The following CELF2 variants were observed in gnomAD, a reference collection of about 807,000 sequenced individuals.
CELF2 encodes CUGBP Elav-like family member 2.
A neutral mutation model predicts 62.6 loss-of-function variants in CELF2; 8 were observed. The ratio of observed to expected loss-of-function variants is 0.13; its 90% CI spans 0.07 to 0.23. CELF2 has a LOEUF of 0.23. CELF2 is among the 10% of genes least tolerant of loss of function. The pLI is 1.00. For synonymous variants in CELF2, 258 were observed against 250.0 expected, an observed-to-expected ratio of 1.03 and a Z score of -0.30; for missense variants, 333 against 671.0, an observed-to-expected ratio of 0.50 and a Z score of 5.56.
At chr10:10,927,094 G>A (rs1049784781) in intron 2 of CELF2, 1 of 151,996 alleles carries the variant, frequency 6.6e-6, no homozygotes, top group African/African-American at 2.4e-5. Flanking sequence ...ATTCCCCTGT[G>A]GGGAGGAGTG....
chr10:10,679,045 A>C, the CELF2 span, among the ~76,000 whole-genome samples: 2 of 152,296 alleles, frequency 1.3e-5, no homozygotes, highest in South Asian at 2.1e-4. Context: ...AACTAAGCTA[A>C]AATAAAGGGA....
chr10:10,820,842 A>G (rs1308750807), intron 1 of CELF2, among the ~76,000 whole-genome samples: 2 of 152,194 alleles, frequency 1.3e-5, no homozygotes, highest in Non-Finnish European at 2.9e-5. Flanking sequence ...CAAACAGAGC[A>G]CCACTAAGAG....
rs2075673586 is a variant in CELF2, at chr10:11,246,564, A to C, written c.355-2589A>C. Among the ~76,000 whole-genome samples, 1 of 152,134 alleles carries C rather than the reference A, an allele frequency of 6.6e-6. No homozygotes were observed. ...ATCCCGTGAAGAATTTTTTATTGCC[A>C]GATCCAAATTCTTTGGCCTCTCACA... On this transcript the variant is annotated intron_variant, in intron 3 of 12. Coordinates refer to ENST00000633077, the MANE Select transcript of CELF2 (RefSeq NM_001326342.2). This position sits in a 1 kb window ranked among gnomAD's most constrained non-coding sequence, Gnocchi z 4.6.
chr10:10,616,151 C>T, the CELF2 span, among the ~76,000 whole-genome samples: 37 of 152,204 alleles, frequency 2.4e-4, no homozygotes, highest in African/African-American at 8.4e-4. Context: ...GAACCTAAGC[C>T]TGTATTTCTC....
intron 1 of CELF2, among the ~76,000 whole-genome samples, chr10:10,841,794 A>T (rs1184926623): frequency 6.6e-6 from 1 of 152,130 alleles, no homozygotes; most frequent in Non-Finnish European, 1.5e-5. Flanking sequence ...CAGTTTGCTG[A>T]TATCCACAAA....
intron 1 of CELF2, among the ~76,000 whole-genome samples, chr10:10,838,161 T>C (rs1239995782): frequency 2.0e-5 from 3 of 152,206 alleles, no homozygotes; most frequent in African/African-American, 7.2e-5. Context: ...GCAGGACTGC[T>C]TAGATATTTT....
chr10:10,507,048 G>A, the CELF2 span, among the ~76,000 whole-genome samples: 2 of 152,076 alleles, frequency 1.3e-5, no homozygotes, highest in Non-Finnish European at 2.9e-5. Flanking sequence ...TGGAGATTTG[G>A]GGTGTTTAGT....
At chr10:11,150,969 AAT>A (rs1209979113) in intron 1 of CELF2, among the ~76,000 whole-genome samples, 1 of 152,242 alleles carries the variant, frequency 6.6e-6, no homozygotes, top group African/African-American at 2.4e-5. Context: ...TTTTGGCTTA[AAT>A]ATTCAACTCC....
chr10:10,774,765 G>C, the CELF2 span, among the ~76,000 whole-genome samples: 1 of 152,194 alleles, frequency 6.6e-6, no homozygotes, highest in South Asian at 2.1e-4. Context: ...AAATAGGATG[G>C]TGTGGTGAGA....
In CELF2 at chr10:11,023,438, A is replaced by C. The variant is rs527916171; in HGVS notation, c.74+5275A>C. Among the ~76,000 whole-genome samples, 21 of 152,370 alleles carry C rather than the reference A, an allele frequency of 1.4e-4. 1 individual carries two copies. In the South Asian group the frequency reaches 4.1e-3, roughly 30 times the overall value. On this transcript the variant is annotated intron_variant, in intron 1 of 12. Transcript: ENST00000633077. ...GTGGGAAACAAAAACTAATTAGAGC[A>C]GCAAATGTGATGCTTTCAGGTAATT...
At chr10:11,281,774 T>C (rs2088899479) in intron 8 of CELF2, among the ~76,000 whole-genome samples, 1 of 152,106 alleles carries the variant, frequency 6.6e-6, no homozygotes, top group African/African-American at 2.4e-5. Flanking sequence ...AATTGCCAAA[T>C]TGATTGAGAG....
At chr10:10,941,383 CT>C (rs2047033003) in intron 2 of CELF2, among the ~76,000 whole-genome samples, 1 of 152,168 alleles carries the variant, frequency 6.6e-6, no homozygotes, top group Non-Finnish European at 1.5e-5. Flanking sequence ...TCCATAAACC[CT>C]TGGTTTCTTC....
the CELF2 span, among the ~76,000 whole-genome samples, chr10:10,756,648 T>C: frequency 5.3e-5 from 8 of 152,212 alleles, no homozygotes; most frequent in Non-Finnish European, 2.9e-5. Context: ...TTGATAATAA[T>C]GATATTTTTA....
chr10:10,489,748 A>G, the CELF2 span, among the ~76,000 whole-genome samples: 1 of 151,804 alleles, frequency 6.6e-6, no homozygotes, highest in Non-Finnish European at 1.5e-5. Context: ...TGTGTGGCCT[A>G]TCCTTAAAAC....
chr10:10,928,056 C>T lies in CELF2; in HGVS notation c.89+8057C>T, dbSNP rs553712925. Among the ~76,000 whole-genome samples the T allele has an allele frequency of 1.2e-4, 18 of 152,266 alleles. No homozygotes were observed. Among genetic ancestry groups the T allele is most frequent in the South Asian group, 4.1e-4 (2 of 4,828 alleles). ...TGCTTCTGACACACCGGCCTTTCTC[C>T]GCACTTACTTCCACAGAAAGTTCTC... On this transcript the variant is annotated intron_variant, in intron 2 of 13. Coordinates refer to the CELF2 transcript ENST00000636488. The surrounding 1 kb of genome is among the most constrained non-coding windows in gnomAD (Gnocchi z 4.8).
chr10:10,701,067 G>T, the CELF2 span, among the ~76,000 whole-genome samples: 1 of 152,148 alleles, frequency 6.6e-6, no homozygotes, highest in Non-Finnish European at 1.5e-5. Flanking sequence ...ATTTATCAGC[G>T]GCCCTCAGGT....
Position 11,267,933 on chromosome 10 carries a change from A to G in CELF2, c.618+1256A>G, listed in dbSNP as rs1007331987. On this transcript the variant is annotated intron_variant, in intron 6 of 12. Coordinates refer to ENST00000633077, the MANE Select transcript of CELF2 (RefSeq NM_001326342.2). The surrounding 1 kb of genome is among the most constrained non-coding windows in gnomAD (Gnocchi z 4.4). Reference sequence around the variant, plus strand: ...ATCTTGACTTTGATATTCCTAACATATCTTATATAATCACTGTGTTTTCCT... The same window carrying G: ...ATCTTGACTTTGATATTCCTAACATGTCTTATATAATCACTGTGTTTTCCT... Among the ~76,000 whole-genome samples, 1 of 152,080 alleles carries G rather than the reference A, an allele frequency of 6.6e-6. No individual in the cohort carries two copies. Among genetic ancestry groups the G allele is most frequent in the Non-Finnish European group, 1.5e-5 (1 of 68,020 alleles).
At chr10:11,131,019 G>A (rs994292069) in intron 1 of CELF2, among the ~76,000 whole-genome samples, 12 of 152,204 alleles carry the variant, frequency 7.9e-5, no homozygotes, top group South Asian at 2.1e-4. Context: ...TGTTACATAC[G>A]TTGTGGTTGT....
the CELF2 span, among the ~76,000 whole-genome samples, chr10:10,737,751 C>T: frequency 6.6e-6 from 1 of 151,912 alleles, no homozygotes; most frequent in Non-Finnish European, 1.5e-5. Context: ...GGCAGGTTCC[C>T]TGCCATACTG....
Sources: gnomAD v4.1 joint callset for allele counts (sites outside exome capture counted in the v4.1 genomes callset) on GRCh38, gnomAD v4.1.1 for gene constraint, Gnocchi (gnomAD v3.1) non-coding constraint, MANE v1.5 for transcripts, NCBI Gene and HGNC (gene_info 2026-07-23, HGNC 2026-07-21) for gene names.